Variants in MIF observed in about 807,000 individuals in gnomAD.
MIF encodes L-dopachrome isomerase.
In MIF, 16 loss-of-function variants were observed where a neutral mutation model predicts 11.3. That is an observed-to-expected ratio of 1.42 (90% CI 0.96 to 2.16). The LOEUF is 2.16. MIF is among the 30% of genes most tolerant of loss of function. The pLI, the probability that MIF is intolerant of heterozygous loss-of-function variation, is 0.00. For synonymous variants in MIF, 83 were observed against 74.2 expected (o/e 1.12, Z -0.61); for missense variants, 229 against 165.3 (o/e 1.39, Z -2.11).
At chr22:23,894,623 A>T (rs1442585546) in intron 1 of MIF, 41 bp downstream of exon 1, 1 of 1,579,512 alleles carries the variant, frequency 6.3e-7, no homozygotes, top group Non-Finnish European at 8.6e-7. Context: ...TGCCCACCGG[A>T]CGAGGGGTTC....
chr22:23,895,058 C>G lies in MIF; in HGVS notation c.300C>G (p.Tyr100Ter), dbSNP rs1458486390. ...CCCGCAGGGTCTACATCAACTATTA[C>G]GACATGAACGCGGCCAATGTGGGCT... is the stretch of plus-strand genomic sequence containing the variant. Reference protein sequence around the residue: ...ISPDRVYINYYDMNAANVGWN... With the variant: ...ISPDRVYINY The change falls in exon 3 of 3, where the codon TAC becomes TAG. Residue 100 changes from tyrosine (Y) to a stop codon, truncating the protein, a stop_gained. Coordinates refer to ENST00000215754, the MANE Select transcript of MIF (RefSeq NM_002415.2). LOFTEE classifies it high-confidence loss of function. 1.9e-6 allele frequency: 3 copies of G among 1,557,514 alleles called. No homozygotes were observed. In the African/African-American group the frequency reaches 4.1e-5, roughly 21 times the overall value.
chr22:23,894,418 G>T lies in MIF; in HGVS notation c.-57G>T, dbSNP rs1456908213. On this transcript the variant is annotated 5_prime_UTR_variant, in exon 1 of 3. Transcript: ENST00000215754. ...GAGAAGTCAGGCACGTAGCTCAGCGGCGGCCGCGGCGCGTGCGTCTGTGCC... is the reference window on the plus strand; with the variant it reads ...GAGAAGTCAGGCACGTAGCTCAGCGTCGGCCGCGGCGCGTGCGTCTGTGCC... 3 of 1,412,518 alleles carry T rather than the reference G, an allele frequency of 2.1e-6. No homozygotes were observed. In the East Asian group the frequency reaches 6.9e-5, roughly 32 times the overall value. The allele number at this position is 1,412,518 out of a possible 1,614,324, so 87.5% of individuals were successfully genotyped here. A position where few individuals can be genotyped will look rare whatever the true frequency, so the allele number is the denominator to read the frequency against.
chr22:23,895,221 C>A lies in MIF; in HGVS notation c.*115C>A. 8.9e-7 allele frequency: 1 copy of A among 1,124,590 alleles called. No homozygotes were observed. Among genetic ancestry groups the A allele is most frequent in the Non-Finnish European group, 1.3e-6 (1 of 757,348 alleles). The allele number at this position is 1,124,590 out of a possible 1,614,324, so 69.7% of individuals were successfully genotyped here. A position where few individuals can be genotyped will look rare whatever the true frequency, so the allele number is the denominator to read the frequency against. On this transcript the variant is annotated 3_prime_UTR_variant, in exon 3 of 3. Coordinates refer to ENST00000215754, the MANE Select transcript of MIF (RefSeq NM_002415.2). ...TGGGGAGAAATAAACGGTTTAGAGA[C>A]TAGGAGTGCCTCGGGGTTCCTTGGC...
intron 1 of MIF, 92 bp downstream of exon 1, chr22:23,894,674 G>T: frequency 6.8e-7 from 1 of 1,478,412 alleles, no homozygotes; most frequent in Non-Finnish European, 9.1e-7. Flanking sequence ...ACGGAGCTGG[G>T]GGGCGGGGCG....
Position 23,894,451 on chromosome 22 carries a change from G to T in MIF, c.-24G>T, listed in dbSNP as rs149423910. On this transcript the variant is annotated 5_prime_UTR_variant, in exon 1 of 3. Transcript: ENST00000215754. ...GGCGCGTGCGTCTGTGCCTCTGCGC[G>T]GGTCTCCTGGTCCTTCTGCCATCAT... 4 of 1,594,906 alleles carry T rather than the reference G, an allele frequency of 2.5e-6. No homozygotes were observed. In the African/African-American group the frequency reaches 5.4e-5, roughly 21 times the overall value.
chr22:23,894,740 TG>T, intron 1 of MIF, 31 bp from the exon 2 acceptor site: 2 of 1,493,278 alleles, frequency 1.3e-6, no homozygotes, highest in Non-Finnish European at 1.8e-6. Flanking sequence ...ACGAGGTCGC[TG>T]GGGCGGGCTG....
rs201952555 is a variant in MIF at position 23,894,861 on chromosome 22, C to G, written c.198C>G (p.Gly66=). ...PCALCSLHSI[G]KIGGAQNRSY... ...CGCTCTGCAGCCTGCACAGCATCGG[C>G]AAGATCGGCGGCGCGCAGAACCGCT... The change falls in exon 2 of 3, where the codon GGC becomes GGG. Residue 66 remains glycine, a synonymous_variant. Transcript: ENST00000215754. The G allele has an allele frequency of 4.6e-5, 72 of 1,555,432 alleles. No homozygotes were observed. Among genetic ancestry groups the G allele is most frequent in the Non-Finnish European group, 6.1e-5 (70 of 1,153,966 alleles).
At position 23,894,834 on chromosome 22, in the gene MIF, C is replaced by T; in HGVS notation, c.171C>T (p.Cys57=). 6.4e-7 allele frequency: 1 copy of T among 1,554,656 alleles called. No homozygotes were observed. Among genetic ancestry groups the T allele is most frequent in the East Asian group, 2.4e-5 (1 of 41,904 alleles). ...LMAFGGSSEP[C]ALCSLHSIGK... Reference sequence around the variant, plus strand: ...CCTTCGGCGGCTCCAGCGAGCCGTGCGCGCTCTGCAGCCTGCACAGCATCG... The same window carrying T: ...CCTTCGGCGGCTCCAGCGAGCCGTGTGCGCTCTGCAGCCTGCACAGCATCG... The change falls in exon 2 of 3, where the codon TGC becomes TGT. Residue 57 remains cysteine, a synonymous_variant. Coordinates refer to ENST00000215754, the MANE Select transcript of MIF (RefSeq NM_002415.2).
chr22:23,894,984 G>C, intron 2 of MIF, 40 bp downstream of exon 2: 1 of 1,542,652 alleles, frequency 6.5e-7, no homozygotes, highest in Non-Finnish European at 8.7e-7. Context: ...GGGCGGCGGC[G>C]CGCGGCCAGG....
intron 1 of MIF, 35 bp from the exon 2 acceptor site, chr22:23,894,737 C>A (rs1420284181): frequency 6.7e-7 from 1 of 1,491,534 alleles, no homozygotes; most frequent in Admixed American, 2.2e-5. Context: ...CCGACGAGGT[C>A]GCTGGGGCGG....
chr22:23,894,984 G>T, intron 2 of MIF, 40 bp downstream of exon 2: 2 of 1,542,652 alleles, frequency 1.3e-6, no homozygotes, highest in Middle Eastern at 1.9e-4. Flanking sequence ...GGGCGGCGGC[G>T]CGCGGCCAGG....
At position 23,895,123 on chromosome 22, in the gene MIF, C is replaced by G. The variant is rs201241742; in HGVS notation, c.*17C>G. 5.2e-6 allele frequency: 8 copies of G among 1,551,630 alleles called. No homozygotes were observed. The highest frequency in any genetic ancestry group is 6.1e-6 in the Non-Finnish European group (7 of 1,146,972). On this transcript the variant is annotated 3_prime_UTR_variant, in exon 3 of 3. Transcript: ENST00000215754. The stretch of plus-strand genomic sequence containing the variant: ...TTCGCCTAAGAGCCGCAGGGACCCA[C>G]GCTGTCTGCGCTGGCTCCACCCGGG...
intron 2 of MIF, 28 bp from the exon 3 acceptor site, chr22:23,895,012 C>A (rs1016469926): frequency 6.5e-7 from 1 of 1,540,542 alleles, no homozygotes; most frequent in Non-Finnish European, 8.8e-7. Context: ...CTGAGCCACC[C>A]GCTGAGTCCG....
rs202066662 is a variant in MIF, at chr22:23,894,784, C to T, written c.121C>T (p.His41Tyr). The T allele has an allele frequency of 4.5e-6, 7 of 1,541,752 alleles. No homozygotes were observed. The highest frequency in any genetic ancestry group is 2.4e-5 in the South Asian group (2 of 85,050). Reference sequence around the variant, plus strand: ...CCTTTCCTCGCAGTACATCGCGGTGCACGTGGTCCCGGACCAGCTCATGGC... The same window carrying T: ...CCTTTCCTCGCAGTACATCGCGGTGTACGTGGTCCCGGACCAGCTCATGGC... ...TGKPPQYIAV[H>Y]VVPDQLMAFG... The change falls in exon 2 of 3, where the codon CAC (histidine) becomes TAC (tyrosine). Residue 41 changes from histidine (H) to tyrosine (Y), a missense_variant. Coordinates refer to ENST00000215754, the MANE Select transcript of MIF (RefSeq NM_002415.2).
rs978147799 is a variant in MIF, at chr22:23,894,597, G to C, written c.108+15G>C. The C allele has an allele frequency of 1.2e-6, 2 of 1,608,600 alleles. No individual in the cohort carries two copies. The highest frequency in any genetic ancestry group is 1.7e-6 in the Non-Finnish European group (2 of 1,176,984). On this transcript the variant is annotated intron_variant, in intron 1 of 2. Transcript: ENST00000215754. ...AGCCCCCCCAGGTTTGCCGGGAGGG[G>C]ACAGGAAGAGGGGGGTGCCCACCGG...
rs1290031183 is a variant in MIF at position 23,894,673 on chromosome 22, G to A, written c.108+91G>A. The A allele has an allele frequency of 2.3e-5, 34 of 1,486,344 alleles. No individual in the cohort carries two copies. In the East Asian group the frequency reaches 7.5e-4, roughly 33 times the overall value. 92.1% of individuals were successfully genotyped at this position (1,486,344 alleles called of 1,614,324 possible). A position where few individuals can be genotyped will look rare whatever the true frequency, so the allele number is the denominator to read the frequency against. Reference sequence around the variant, plus strand: ...GGGAGGCGACTCCTGAACGGAGCTGGGGGGCGGGGCGGGGGGAGGACGGTG... The same window carrying A: ...GGGAGGCGACTCCTGAACGGAGCTGAGGGGCGGGGCGGGGGGAGGACGGTG... On this transcript the variant is annotated intron_variant, in intron 1 of 2. Transcript: ENST00000215754.
At position 23,894,503 on chromosome 22, in the gene MIF, T is replaced by G; in HGVS notation, c.29T>G (p.Val10Gly). The G allele has an allele frequency of 6.2e-7, 1 of 1,613,160 alleles. No individual in the cohort carries two copies. The change falls in exon 1 of 3, where the codon GTG becomes GGG. Residue 10 changes from valine (V) to glycine (G), a missense_variant. By Grantham distance (109) the Val-to-Gly change is moderately radical (BLOSUM62 -3). Transcript: ENST00000215754. MPMFIVNTNVPRASVPDGFL... is the reference protein window; with the variant it reads MPMFIVNTNGPRASVPDGFL... The stretch of plus-strand genomic sequence containing the variant: ...CCGATGTTCATCGTAAACACCAACG[T>G]GCCCCGCGCCTCCGTGCCGGACGGG...
Position 23,894,889 on chromosome 22 carries a change from T to C in MIF, c.226T>C (p.Tyr76His), listed in dbSNP as rs1223866826. 4.5e-6 allele frequency: 7 copies of C among 1,553,714 alleles called. No individual in the cohort carries two copies. The highest frequency in any genetic ancestry group is 6.1e-6 in the Non-Finnish European group (7 of 1,151,274). The part of the protein sequence containing the change: ...GKIGGAQNRS[Y>H]SKLLCGLLAE... Reference sequence around the variant, plus strand: ...GATCGGCGGCGCGCAGAACCGCTCCTACAGCAAGCTGCTGTGCGGCCTGCT... The same window carrying C: ...GATCGGCGGCGCGCAGAACCGCTCCCACAGCAAGCTGCTGTGCGGCCTGCT... Residue 76 changes from tyrosine to histidine, a missense_variant, in exon 2 of 3, where the codon TAC (tyrosine) becomes CAC (histidine). Physicochemically the swap from Tyr to His is moderately conservative, Grantham distance 83. Transcript: ENST00000215754.
intron 1 of MIF, 23 bp downstream of exon 1, chr22:23,894,605 GA>G: frequency 6.2e-7 from 1 of 1,605,334 alleles, no homozygotes; most frequent in Non-Finnish European, 8.5e-7. Context: ...GGGACAGGAA[GA>G]GGGGGGTGCC....
Sources: gnomAD v4.1 joint callset for allele counts on GRCh38, gnomAD v4.1.1 for gene constraint, MANE v1.5 for transcripts, NCBI Gene and HGNC (gene_info 2026-07-23, HGNC 2026-07-21) for gene names.